Variants in MRC1 observed in about 807,000 individuals in gnomAD.
MRC1 encodes macrophage mannose receptor 1.
MRC1 carries 62 observed loss-of-function variants against 102.9 expected under a neutral mutation model. The observed-to-expected ratio is 0.60, with a 90% CI of 0.49 to 0.74. MRC1 has a LOEUF of 0.74. Among genes scored for constraint, MRC1 ranks in the 30% least tolerant of loss-of-function variants. MRC1 has a pLI of 0.00. For synonymous variants in MRC1, 457 were observed against 298.4 expected, an observed-to-expected ratio of 1.53 and a Z score of -5.48; for missense variants, 1,237 against 862.8, an observed-to-expected ratio of 1.43 and a Z score of -5.43.
intron 29 of MRC1, among the ~76,000 whole-genome samples, chr10:17,909,946 A>G (rs1833946807): frequency 6.6e-6 from 1 of 152,264 alleles, no homozygotes; most frequent in Non-Finnish European, 1.5e-5. Flanking sequence ...ATTATTTTGA[A>G]ATAAGGTATA....
intron 15 of MRC1, among the ~76,000 whole-genome samples, chr10:17,872,881 G>T (rs1833374236): frequency 1.3e-5 from 2 of 152,198 alleles, no homozygotes; most frequent in African/African-American, 4.8e-5. Context: ...AAATGGAACT[G>T]CATTGCCCTC....
chr10:17,852,006 C>G (rs1404550066), intron 7 of MRC1, among the ~76,000 whole-genome samples: 3 of 152,218 alleles, frequency 2.0e-5, no homozygotes, highest in Non-Finnish European at 4.4e-5. Flanking sequence ...GATCATACAT[C>G]AAGCATTCAT....
intron 3 of MRC1, among the ~76,000 whole-genome samples, chr10:17,830,910 A>G (rs1446436681): frequency 1.3e-5 from 2 of 150,786 alleles, no homozygotes; most frequent in African/African-American, 5.0e-5. Flanking sequence ...ATTTTTGGAG[A>G]CAGAGTCTTG....
At chr10:17,897,542 TACCTGAATGTGC>T (rs1429176955) in intron 23 of MRC1, among the ~76,000 whole-genome samples, 10,049 of 152,274 alleles carry the variant, frequency 0.066, 1,104 homozygotes, top group African/African-American at 0.23. Context: ...CTACACCCGT[TACCTGAATGTGC>T]ATTACTCACA....
intron 21 of MRC1, among the ~76,000 whole-genome samples, chr10:17,882,530 C>A (rs1215552931): frequency 6.6e-6 from 1 of 151,886 alleles, no homozygotes; most frequent in Non-Finnish European, 1.5e-5. Context: ...TCTTTGACTT[C>A]TAGAATCATT....
chr10:17,843,672 A>G (rs1400034201), intron 5 of MRC1, among the ~76,000 whole-genome samples: 3 of 152,180 alleles, frequency 2.0e-5, no homozygotes, highest in Non-Finnish European at 4.4e-5. Context: ...TCAAAAAGAA[A>G]AAAAAAAGAT....
At chr10:17,882,653 C>A (rs1215753619) in intron 21 of MRC1, among the ~76,000 whole-genome samples, 1 of 152,280 alleles carries the variant, frequency 6.6e-6, no homozygotes, top group East Asian at 1.9e-4. Flanking sequence ...GTGAATGCCA[C>A]CATGTGCTCT....
At chr10:17,881,843 T>G (rs1833524608) in intron 21 of MRC1, among the ~76,000 whole-genome samples, 1 of 134,290 alleles carries the variant, frequency 7.4e-6, no homozygotes, top group African/African-American at 2.8e-5. Context: ...AGTTTTTTTT[T>G]TTTTTTTTTT....
intron 17 of MRC1, 109 bp downstream of exon 17, chr10:17,875,362 C>T (rs1000432462): frequency 1.7e-4 from 128 of 739,024 alleles, no homozygotes; most frequent in Non-Finnish European, 2.7e-4. Flanking sequence ...TTGGTACACC[C>T]GTCACCTGAG....
chr10:17,852,387 T>C (rs1838930511), intron 7 of MRC1, among the ~76,000 whole-genome samples: 1 of 152,206 alleles, frequency 6.6e-6, no homozygotes, highest in Non-Finnish European at 1.5e-5. Flanking sequence ...AAGTCTCACC[T>C]CTTGGTTTAT....
chr10:17,894,635 G>T (rs1833729598), intron 23 of MRC1, among the ~76,000 whole-genome samples: 1 of 151,894 alleles, frequency 6.6e-6, no homozygotes, highest in Non-Finnish European at 1.5e-5. Context: ...CTGACCTCAG[G>T]TGATCTACCT....
intron 1 of MRC1, among the ~76,000 whole-genome samples, chr10:17,813,700 A>ATATATATATTT (rs1401200082): frequency 1.1e-4 from 14 of 125,694 alleles, no homozygotes; most frequent in South Asian, 1.0e-3. Flanking sequence ...ATATATATAT[A>ATATATATATTT]TTTTTTTTTT....
chr10:17,837,446 T>C (rs1386809397), intron 4 of MRC1, among the ~76,000 whole-genome samples: 1 of 152,184 alleles, frequency 6.6e-6, no homozygotes, highest in Non-Finnish European at 1.5e-5. Flanking sequence ...TTGAGATATA[T>C]TGGGGAATAA....
rs1209093130 is a variant in MRC1 at position 17,845,420 on chromosome 10, TTTG to T, written c.1051_1053del (p.Val351del). 1 of 780,750 alleles carries T rather than the reference TTTG, an allele frequency of 1.3e-6. No individual in the cohort carries two copies. Among genetic ancestry groups the T allele is most frequent in the East Asian group, 2.4e-5 (1 of 41,270 alleles). The allele number at this position is 780,750 out of a possible 1,614,324, so 48.4% of individuals were successfully genotyped here. ...AAAGGGCAACACCACTTTAAATTCT[TTTG>T]TTATTCCCTCAGGTAAGTGATCTAT... On this transcript the variant is annotated inframe_deletion, in exon 6 of 30. Coordinates refer to ENST00000569591, the MANE Select transcript of MRC1 (RefSeq NM_002438.4).
At position 17,894,217 on chromosome 10, in the gene MRC1, GTGT is replaced by G. The variant is rs1833720187; in HGVS notation, c.3160_3162del (p.Val1054del). On this transcript the variant is annotated inframe_deletion, in exon 23 of 30. Coordinates refer to ENST00000569591, the MANE Select transcript of MRC1 (RefSeq NM_002438.4). ...TTCTCCATAAATATACAGGCTGACT[GTGT>G]TGTTATTATTGGAGGTGCATCAAAT... 2.3e-6 allele frequency: 2 copies of G among 872,550 alleles called. No individual in the cohort carries two copies. Among genetic ancestry groups the G allele is most frequent in the Non-Finnish European group, 2.0e-6 (1 of 501,448 alleles). The allele number at this position is 872,550 out of a possible 1,614,324, so 54.1% of individuals were successfully genotyped here.
At chr10:17,874,415 T>C (rs1455687417) in intron 16 of MRC1, among the ~76,000 whole-genome samples, 3 of 152,178 alleles carry the variant, frequency 2.0e-5, no homozygotes, top group Non-Finnish European at 4.4e-5. Flanking sequence ...TGCATAAGGA[T>C]ACTTGTTACT....
chr10:17,877,205 A>G (rs1833448580), intron 17 of MRC1, among the ~76,000 whole-genome samples: 1 of 148,736 alleles, frequency 6.7e-6, no homozygotes, highest in Admixed American at 6.7e-5. Context: ...TTTGAAGAAC[A>G]GATATATCCT....
intron 4 of MRC1, among the ~76,000 whole-genome samples, chr10:17,834,650 G>A (rs1360621399): frequency 6.6e-6 from 1 of 152,176 alleles, no homozygotes; most frequent in Non-Finnish European, 1.5e-5. Context: ...CTGGCCTCAG[G>A]TGATCCACCT....
At chr10:17,904,715 T>C (rs1430944366) in intron 26 of MRC1, among the ~76,000 whole-genome samples, 1 of 152,194 alleles carries the variant, frequency 6.6e-6, no homozygotes, top group East Asian at 1.9e-4. Flanking sequence ...TAGCTTTCAC[T>C]TCCTGCTTGT....
Sources: gnomAD v4.1 joint callset for allele counts (sites outside exome capture counted in the v4.1 genomes callset) on GRCh38, gnomAD v4.1.1 for gene constraint, MANE v1.5 for transcripts, NCBI Gene and HGNC (gene_info 2026-07-23, HGNC 2026-07-21) for gene names.